PHC3: variants seen among roughly 807,000 people sequenced by gnomAD.
PHC3 encodes the protein polyhomeotic homolog 3.
Under a neutral mutation model 107.4 loss-of-function variants are expected in PHC3, and 13 were observed. The ratio of observed to expected loss-of-function variants is 0.12; its 90% CI spans 0.08 to 0.19. PHC3 has a LOEUF of 0.19. Among genes scored for constraint, PHC3 ranks in the 10% least tolerant of loss-of-function variants. The pLI, the probability that PHC3 is intolerant of heterozygous loss-of-function variation, is 1.00. For missense variants in PHC3, 992 were observed against 1,210.9 expected (o/e 0.82, Z 2.68); for synonymous variants, 456 against 427.4 (o/e 1.07, Z -0.83).
chr3:170,102,657 A>G lies in PHC3; in HGVS notation c.2655T>C (p.Ser885=). ...AEEDLASHED[S]VPSAMTTRLR... is the part of the protein sequence containing the mutation. ...GACGAGTTGTCATAGCAGATGGCACAGAATCTTCATGAGAAGCCAAGTCTT... is the reference window on the plus strand; with the variant it reads ...GACGAGTTGTCATAGCAGATGGCACGGAATCTTCATGAGAAGCCAAGTCTT... The change falls in exon 14 of 15, where the codon TCT becomes TCC. Residue 885 remains serine, a synonymous_variant. Coordinates refer to ENST00000495893, the MANE Select transcript of PHC3 (RefSeq NM_024947.4). The G allele has an allele frequency of 6.2e-7, 1 of 1,614,014 alleles. No individual in the cohort carries two copies. The highest frequency in any genetic ancestry group is 8.5e-7 in the Non-Finnish European group (1 of 1,179,870).
Position 170,117,100 on chromosome 3 carries a change from T to C in PHC3, c.2193+126A>G, listed in dbSNP as rs781057078. 6.0e-6 allele frequency: 7 copies of C among 1,176,172 alleles called. No individual in the cohort carries two copies. The South Asian group carries it at 1.0e-4, about 17-fold the overall frequency. 72.9% of individuals were successfully genotyped at this position (1,176,172 alleles called of 1,614,324 possible). A position where few individuals can be genotyped will look rare whatever the true frequency, so the allele number is the denominator to read the frequency against. On this transcript the variant is annotated intron_variant, in intron 10 of 14. Coordinates refer to ENST00000495893, the MANE Select transcript of PHC3 (RefSeq NM_024947.4). Reference sequence around the variant, plus strand: ...ATAAAGGAAGTAGAAAGATAAATGCTAGATTAAAATGGACAACTTTCTTGA... The same window carrying C: ...ATAAAGGAAGTAGAAAGATAAATGCCAGATTAAAATGGACAACTTTCTTGA...
At chr3:170,167,971 G>A (rs1027907597) in intron 4 of PHC3, among the ~76,000 whole-genome samples, 3 of 151,818 alleles carry the variant, frequency 2.0e-5, no homozygotes, top group African/African-American at 7.3e-5. Context: ...AGTCTGCCTG[G>A]GGAACACAGC....
chr3:170,104,475 G>GTTGC (rs1175586113), intron 12 of PHC3, among the ~76,000 whole-genome samples: 1 of 152,148 alleles, frequency 6.6e-6, no homozygotes, highest in African/African-American at 2.4e-5. Flanking sequence ...GTCTCACTAT[G>GTTGC]TTGCCCAGGT....
chr3:170,127,386 C>A (rs1042461281), intron 8 of PHC3, among the ~76,000 whole-genome samples: 1 of 152,230 alleles, frequency 6.6e-6, no homozygotes, highest in Admixed American at 6.5e-5. Flanking sequence ...AGGCTGGTCT[C>A]GAACTCCTCA....
At chr3:170,178,145 T>C in intron 2 of PHC3, among the ~76,000 whole-genome samples, 1 of 150,848 alleles carries the variant, frequency 6.6e-6, no homozygotes, top group East Asian at 1.9e-4. Context: ...GGAAAATTTT[T>C]TTTTTTTTTT....
At chr3:170,145,607 T>G (rs1724808436) in intron 5 of PHC3, 86 bp from the exon 6 acceptor site, 1 of 869,552 alleles carries the variant, frequency 1.2e-6, no homozygotes, top group African/African-American at 1.7e-5. Flanking sequence ...GAGACTGAAA[T>G]TTGTGACAGA....
intron 2 of PHC3, among the ~76,000 whole-genome samples, chr3:170,177,666 ATT>A (rs67401455): frequency 1.5e-3 from 154 of 101,926 alleles, no homozygotes; most frequent in African/African-American, 5.7e-3. Context: ...CACGCCCAGC[ATT>A]TTTTTTTTTT....
At chr3:170,180,328 G>A (rs1156385873) in intron 1 of PHC3, among the ~76,000 whole-genome samples, 1 of 152,020 alleles carries the variant, frequency 6.6e-6, no homozygotes, top group Non-Finnish European at 1.5e-5. Context: ...ACAGGACTGT[G>A]GTCCCAGCAA....
rs1057234374 is a variant in PHC3, at chr3:170,153,656, G to A, written c.415-4412C>T. ...CGGGTGCCTGTAGTCCCAGCTACTC[G>A]GGAGGCTGAGGCAGGAGAATGGCGT... On this transcript the variant is annotated intron_variant, in intron 4 of 14. Coordinates refer to ENST00000495893, the MANE Select transcript of PHC3 (RefSeq NM_024947.4). 5.9e-5 allele frequency among the ~76,000 whole-genome samples: 9 copies of A among 151,888 alleles called. No homozygotes were observed. In the East Asian group the frequency reaches 1.2e-3, roughly 20 times the overall value.
chr3:170,129,496 G>T lies in PHC3; in HGVS notation c.976C>A (p.His326Asn). Reference protein sequence around the residue: ...SLIKHQQIPLHSPPSKVSHHQ... With the variant: ...SLIKHQQIPLNSPPSKVSHHQ... ...TGGGAAACTTTGGAAGGTGGTGAAT[G>T]AAGAGGAATCTGCTGATGTTTTATT... The change falls in exon 8 of 15, where the codon CAT (histidine) becomes AAT (asparagine). Residue 326 changes from histidine (H) to asparagine (N), a missense_variant. Coordinates refer to ENST00000495893, the MANE Select transcript of PHC3 (RefSeq NM_024947.4). 6.2e-7 allele frequency: 1 copy of T among 1,613,780 alleles called. No individual in the cohort carries two copies. The highest frequency in any genetic ancestry group is 1.1e-5 in the South Asian group (1 of 91,080).
In PHC3 at chr3:170,096,397, A is replaced by G. The variant is rs1283704674; in HGVS notation, c.*833T>C. On this transcript the variant is annotated 3_prime_UTR_variant, in exon 15 of 15. Transcript: ENST00000495893. Reference sequence around the variant, plus strand: ...TATTTTTGAACCAATAATTCTTTACAGTGGAGGGGTGCTGTCCTGTGCATT... The same window carrying G: ...TATTTTTGAACCAATAATTCTTTACGGTGGAGGGGTGCTGTCCTGTGCATT... 6.6e-6 allele frequency: 1 copy of G among 152,118 alleles called. No individual in the cohort carries two copies. The highest frequency in any genetic ancestry group is 1.5e-5 in the Non-Finnish European group (1 of 68,020). The allele number at this position is 152,118 out of a possible 1,614,324, so 9.4% of individuals were successfully genotyped here.
At position 170,106,809 on chromosome 3, in the gene PHC3, G is replaced by A. The variant is rs1716622036; in HGVS notation, c.2468+23C>T. ...CAATGGCTATTTATCTGTCCTTTGG[G>A]AAATTCAAGAGCACAGAAATACCTT... On this transcript the variant is annotated intron_variant, in intron 12 of 14. Coordinates refer to ENST00000495893, the MANE Select transcript of PHC3 (RefSeq NM_024947.4). The A allele has an allele frequency of 1.9e-6, 3 of 1,568,942 alleles. No individual in the cohort carries two copies. In the South Asian group the frequency reaches 3.5e-5, roughly 18 times the overall value.
chr3:170,166,081 A>G (rs1427884805), intron 4 of PHC3, among the ~76,000 whole-genome samples: 1 of 151,816 alleles, frequency 6.6e-6, no homozygotes, highest in Non-Finnish European at 1.5e-5. Context: ...GTCTTGCTCT[A>G]CCGCCCAGGA....
intron 10 of PHC3, among the ~76,000 whole-genome samples, chr3:170,114,035 CTTTT>C (rs1718401925): frequency 6.6e-6 from 1 of 151,422 alleles, no homozygotes; most frequent in East Asian, 1.9e-4. Context: ...TTCTTTCTTT[CTTTT>C]TGAGACACAG....
chr3:170,111,873 A>G (rs1234332107), intron 11 of PHC3, among the ~76,000 whole-genome samples: 1 of 152,214 alleles, frequency 6.6e-6, no homozygotes, highest in Non-Finnish European at 1.5e-5. Context: ...GTAAAGGCAC[A>G]CAGTATAGGC....
chr3:170,113,215 ATTATT>A, intron 11 of PHC3, 140 bp downstream of exon 11: 1 of 669,834 alleles, frequency 1.5e-6, no homozygotes, highest in South Asian at 4.1e-5. Flanking sequence ...TAGCTTTCCC[ATTATT>A]TTAGTCAAAT....
chr3:170,119,727 T>C (rs1406755294), intron 9 of PHC3, among the ~76,000 whole-genome samples: 1 of 152,156 alleles, frequency 6.6e-6, no homozygotes, highest in Non-Finnish European at 1.5e-5. Context: ...GTATAGATGC[T>C]TTTCACTTTC....
intron 12 of PHC3, 26 bp from the exon 13 acceptor site, chr3:170,102,960 A>G (rs757713922): frequency 6.3e-7 from 1 of 1,575,154 alleles, no homozygotes; most frequent in Non-Finnish European, 8.6e-7. Flanking sequence ...AAGAAAAAAT[A>G]TTTAATGATA....
At position 170,172,660 on chromosome 3, in the gene PHC3, T is replaced by C; in HGVS notation, c.233A>G (p.Gln78Arg). ...RPPSSAAQYLQQMYAAQQQHL... is the reference protein window; with the variant it reads ...RPPSSAAQYLRQMYAAQQQHL... ...CTGTTGTTGGGCTGCATACATTTGCTGAAGGTACTGAGCAGCTGAGCTGGG... is the reference window on the plus strand; with the variant it reads ...CTGTTGTTGGGCTGCATACATTTGCCGAAGGTACTGAGCAGCTGAGCTGGG... Residue 78 changes from glutamine to arginine, a missense_variant, in exon 3 of 15, where the codon CAG (glutamine) becomes CGG (arginine). Physicochemically the swap from Gln to Arg is conservative, Grantham distance 43. This residue lies in a region of PHC3 where 161 missense variants were observed against 183.7 expected (regional missense o/e 0.88). Transcript: ENST00000495893. 1 of 1,613,402 alleles carries C rather than the reference T, an allele frequency of 6.2e-7. No individual in the cohort carries two copies. Among genetic ancestry groups the C allele is most frequent in the Non-Finnish European group, 8.5e-7 (1 of 1,179,600 alleles).
Sources: gnomAD v4.1 joint callset for allele counts (sites outside exome capture counted in the v4.1 genomes callset) on GRCh38, gnomAD v4.1.1 for gene constraint, gnomAD v4.1.1 regional missense constraint, MANE v1.5 for transcripts, NCBI Gene and HGNC (gene_info 2026-07-23, HGNC 2026-07-21) for gene names.